SLC16A10: variants seen among roughly 807,000 people sequenced by gnomAD.
The protein encoded by SLC16A10 is monocarboxylate transporter 10.
In SLC16A10, 27 loss-of-function variants were observed where a neutral mutation model predicts 40.0. The observed-to-expected ratio is 0.67, with a 90% CI of 0.50 to 0.93. SLC16A10 has a LOEUF of 0.93. Ranked by LOEUF, SLC16A10 falls within the 40% of genes least tolerant of loss-of-function variation. The pLI is 0.00. For synonymous variants in SLC16A10, 213 were observed against 249.8 expected (o/e 0.85, Z 1.39); for missense variants, 529 against 658.2 (o/e 0.80, Z 2.15).
chr6:111,220,898 C>G (rs1770876277), intron 5 of SLC16A10, among the ~76,000 whole-genome samples: 1 of 152,180 alleles, frequency 6.6e-6, no homozygotes, highest in Non-Finnish European at 1.5e-5. Flanking sequence ...CTGAGGGCAT[C>G]ATAGTATTAC....
chr6:111,107,523 G>C (rs950352389), intron 1 of SLC16A10, among the ~76,000 whole-genome samples: 6 of 152,198 alleles, frequency 3.9e-5, no homozygotes, highest in African/African-American at 1.4e-4. Context: ...CACAGCAGTA[G>C]ACCATCCGTG....
intron 2 of SLC16A10, among the ~76,000 whole-genome samples, chr6:111,175,912 G>C (rs571743070): frequency 6.6e-6 from 1 of 151,416 alleles, no homozygotes; most frequent in Admixed American, 6.6e-5. Flanking sequence ...GTTTTGCTAT[G>C]TTGCCAGACT....
intron 1 of SLC16A10, among the ~76,000 whole-genome samples, chr6:111,109,558 G>T (rs1771349018): frequency 6.6e-6 from 1 of 151,344 alleles, no homozygotes; most frequent in South Asian, 2.1e-4. Flanking sequence ...AGACTGAGGT[G>T]ATCCACCTGC....
intron 2 of SLC16A10, among the ~76,000 whole-genome samples, chr6:111,173,210 C>A (rs968552432): frequency 6.6e-6 from 1 of 152,086 alleles, no homozygotes; most frequent in Non-Finnish European, 1.5e-5. Flanking sequence ...CTGAGGCCCA[C>A]GGGTTACAAT....
chr6:111,094,698 C>T (rs1472802439), intron 1 of SLC16A10, among the ~76,000 whole-genome samples: 1 of 152,062 alleles, frequency 6.6e-6, no homozygotes, highest in African/African-American at 2.4e-5. Context: ...AGTGCAGTGG[C>T]ATGATCATAG....
chr6:111,117,801 G>T (rs770608879), intron 1 of SLC16A10, among the ~76,000 whole-genome samples: 2 of 152,162 alleles, frequency 1.3e-5, no homozygotes, highest in Non-Finnish European at 2.9e-5. Flanking sequence ...CTGTGGCCTT[G>T]CTGAACAATT....
At chr6:111,089,420 T>C (rs1583296202) in intron 1 of SLC16A10, among the ~76,000 whole-genome samples, 1 of 152,356 alleles carries the variant, frequency 6.6e-6, no homozygotes, top group Non-Finnish European at 1.5e-5. Flanking sequence ...GCATTCTCCC[T>C]CTGATGGGCA....
intron 1 of SLC16A10, among the ~76,000 whole-genome samples, chr6:111,103,196 G>A (rs1771220999): frequency 1.3e-5 from 2 of 151,624 alleles, no homozygotes; most frequent in East Asian, 2.0e-4. Flanking sequence ...GTGAACCACC[G>A]GGCCCGGCTC....
rs1773150655 is a variant in SLC16A10, at chr6:111,200,473, T to A, written c.943-6119T>A. Among the ~76,000 whole-genome samples, 2 of 152,210 alleles carry A rather than the reference T, an allele frequency of 1.3e-5. 1 individual carries two copies. The highest frequency in any genetic ancestry group is 2.9e-5 in the Non-Finnish European group (2 of 68,046). On this transcript the variant is annotated intron_variant, in intron 3 of 5. Transcript: ENST00000368851. ...TTTCTTCCACCTTTAATCACCTCAC[T>A]CGGCTTGCTGGTGTGCAGTGCTCAT... is the stretch of plus-strand genomic sequence containing the variant.
At chr6:111,177,763 T>C in intron 3 of SLC16A10, 98 bp downstream of exon 3, 1 of 1,092,468 alleles carries the variant, frequency 9.2e-7, no homozygotes, top group East Asian at 2.5e-5. Context: ...GCCTCAAACA[T>C]TATCCTGGTT....
chr6:111,100,481 C>T (rs1003483807), intron 1 of SLC16A10, among the ~76,000 whole-genome samples: 3 of 151,738 alleles, frequency 2.0e-5, no homozygotes, highest in Non-Finnish European at 4.4e-5. Flanking sequence ...CTCTGCCTCC[C>T]GTGTACAAGC....
intron 3 of SLC16A10, among the ~76,000 whole-genome samples, chr6:111,185,460 T>C (rs1328815575): frequency 6.6e-6 from 1 of 152,194 alleles, no homozygotes; most frequent in Non-Finnish European, 1.5e-5. Context: ...GAGAAAACTC[T>C]GGAGGAAACC....
At chr6:111,191,992 T>G (rs1773002189) in intron 3 of SLC16A10, among the ~76,000 whole-genome samples, 1 of 152,206 alleles carries the variant, frequency 6.6e-6, no homozygotes, top group African/African-American at 2.4e-5. Context: ...TGGTAGTTCC[T>G]TTTGCTGTGC....
At position 111,227,961 on chromosome 6, in the gene SLC16A10, G is replaced by A. The variant is rs1771032822; in HGVS notation, c.*5726G>A. The A allele has an allele frequency of 6.6e-6, 1 of 152,112 alleles. No homozygotes were observed. The highest frequency in any genetic ancestry group is 2.4e-5 in the African/African-American group (1 of 41,404). 9.4% of individuals were successfully genotyped at this position (152,112 alleles called of 1,614,324 possible). A position where few individuals can be genotyped will look rare whatever the true frequency, so the allele number is the denominator to read the frequency against. ...AGCAAGGGGGGTGCAAATTGTTAGT[G>A]GGGTCAAAATATCAGTAAAATTTCT... On this transcript the variant is annotated 3_prime_UTR_variant, in exon 6 of 6. Transcript: ENST00000368851.
chr6:111,109,778 A>G (rs1771352920), intron 1 of SLC16A10, among the ~76,000 whole-genome samples: 1 of 152,056 alleles, frequency 6.6e-6, no homozygotes, highest in Admixed American at 6.6e-5. Context: ...CGATTCACAT[A>G]TTGATGGATA....
intron 4 of SLC16A10, among the ~76,000 whole-genome samples, chr6:111,208,581 G>GA (rs879395037): frequency 5.7e-4 from 81 of 142,792 alleles, no homozygotes; most frequent in East Asian, 1.8e-3. Flanking sequence ...CCATCTCAGA[G>GA]AAAAAAAAAA....
In SLC16A10 at chr6:111,087,752, C is replaced by A; in HGVS notation, c.-1C>A. The A allele has an allele frequency of 8.3e-7, 1 of 1,211,246 alleles. No individual in the cohort carries two copies. Among genetic ancestry groups the A allele is most frequent in the Non-Finnish European group, 1.0e-6 (1 of 975,240 alleles). The allele number at this position is 1,211,246 out of a possible 1,614,324, so 75.0% of individuals were successfully genotyped here. ...GGCGCCTGAGGGGCCCGCCTCGGGC[C>A]ATGGTGCTCTCCCAGGAGGAGCCGG... On this transcript the variant is annotated 5_prime_UTR_variant, in exon 1 of 6. Transcript: ENST00000368851.
chr6:111,113,921 G>A (rs751510609), intron 1 of SLC16A10, among the ~76,000 whole-genome samples: 26 of 152,160 alleles, frequency 1.7e-4, no homozygotes, highest in Non-Finnish European at 2.9e-4. Flanking sequence ...GATATGAGCA[G>A]CTTGCATTTC....
intron 1 of SLC16A10, among the ~76,000 whole-genome samples, chr6:111,167,007 A>G (rs770010540): frequency 2.4e-4 from 36 of 152,260 alleles, no homozygotes; most frequent in Non-Finnish European, 5.0e-4. Flanking sequence ...GACACAGGAC[A>G]TTCTATCTGG....
Sources: allele counts gnomAD v4.1 joint callset (sites outside exome capture counted in the v4.1 genomes callset), GRCh38; gene constraint gnomAD v4.1.1; transcripts MANE v1.5; gene names NCBI Gene and HGNC (gene_info 2026-07-23, HGNC 2026-07-21).